Variants in IPO9 observed in about 807,000 individuals in gnomAD.
IPO9 encodes importin 9, also known as importin-9.
Under a neutral mutation model 128.6 loss-of-function variants are expected in IPO9, and 28 were observed. That is an observed-to-expected ratio of 0.22 (90% confidence interval 0.16 to 0.30). The LOEUF is 0.30. Ranked by LOEUF, IPO9 falls within the 10% of genes least tolerant of loss-of-function variation. IPO9 has a pLI of 1.00. For missense variants in IPO9, 935 were observed against 1,293.9 expected, an observed-to-expected ratio of 0.72 and a Z score of 4.26; for synonymous variants, 455 against 475.8, an observed-to-expected ratio of 0.96 and a Z score of 0.57.
At position 201,880,792 on chromosome 1, in the gene IPO9, A is replaced by G. The variant is rs1680869498; in HGVS notation, c.*4738A>G. On this transcript the variant is annotated 3_prime_UTR_variant, in exon 24 of 24. Coordinates refer to ENST00000361565, the MANE Select transcript of IPO9 (RefSeq NM_018085.5). ...TTTTTCAACTTTAGGATTGTGCAAAAGCTATACACATTCGGTAGAAACAGT... is the reference window on the plus strand; with the variant it reads ...TTTTTCAACTTTAGGATTGTGCAAAGGCTATACACATTCGGTAGAAACAGT... 6.6e-6 allele frequency: 1 copy of G among 152,236 alleles called. No individual in the cohort carries two copies. Among genetic ancestry groups the G allele is most frequent in the Non-Finnish European group, 1.5e-5 (1 of 68,050 alleles). The allele number at this position is 152,236 out of a possible 1,614,324, so 9.4% of individuals were successfully genotyped here.
intron 15 of IPO9, among the ~76,000 whole-genome samples, chr1:201,868,251 A>G (rs772841793): frequency 5.1e-4 from 77 of 151,064 alleles, no homozygotes; most frequent in Middle Eastern, 3.6e-3. Flanking sequence ...CATGCATCAA[A>G]GCCAGTGTTT....
intron 14 of IPO9, among the ~76,000 whole-genome samples, chr1:201,866,325 G>A (rs541226487): frequency 6.6e-6 from 1 of 152,170 alleles, no homozygotes; most frequent in African/African-American, 2.4e-5. Context: ...GTATCATATT[G>A]GACATGATAA....
rs756358655 is a variant in IPO9 at position 201,857,155 on chromosome 1, C to T, written c.1182C>T (p.Phe394=). 1.2e-6 allele frequency: 2 copies of T among 1,613,068 alleles called. No homozygotes were observed. Among genetic ancestry groups the T allele is most frequent in the Middle Eastern group, 1.7e-4 (1 of 6,060 alleles). Residue 394 remains phenylalanine, a synonymous_variant, in exon 11 of 24, where the codon TTC becomes TTT. Transcript: ENST00000361565. Reference sequence around the variant, plus strand: ...TAGAAGATGAAGATGATGATACATTCTCCTATACTGTTAGAATAGCAGCTC... The same window carrying T: ...TAGAAGATGAAGATGATGATACATTTTCCTATACTGTTAGAATAGCAGCTC... ...QFVEDEDDDT[F]SYTVRIAAQD...
intron 19 of IPO9, among the ~76,000 whole-genome samples, chr1:201,872,181 C>T (rs1680665504): frequency 6.6e-6 from 1 of 152,146 alleles, no homozygotes; most frequent in Non-Finnish European, 1.5e-5. Flanking sequence ...CACGCCATTG[C>T]ACTTCAGCCT....
intron 9 of IPO9, 141 bp from the exon 10 acceptor site, chr1:201,855,642 T>C (rs1209024695): frequency 2.7e-6 from 2 of 732,214 alleles, no homozygotes; most frequent in African/African-American, 3.7e-5. Context: ...CTGAGCCCTC[T>C]CTCCCAATTC....
chr1:201,858,504 C>T lies in IPO9; in HGVS notation c.1279C>T (p.Arg427Ter), dbSNP rs375327943. ...SAAALAAAAT[R>*]HLQEAEQTKN... ...AGCAGCCCTGGCTGCTGCAGCCACT[C>T]GACATTTACAAGAAGCTGAGCAAAC... The change falls in exon 12 of 24, where the codon CGA becomes TGA. Residue 427 changes from arginine (R) to a stop codon, truncating the protein, a stop_gained. Coordinates refer to ENST00000361565, the MANE Select transcript of IPO9 (RefSeq NM_018085.5). LOFTEE classifies it high-confidence loss of function. The T allele has an allele frequency of 1.9e-6, 3 of 1,595,680 alleles. No homozygotes were observed. The highest frequency in any genetic ancestry group is 2.6e-6 in the Non-Finnish European group (3 of 1,171,406).
chr1:201,843,636 TG>T (rs1387694899), intron 1 of IPO9, among the ~76,000 whole-genome samples: 1 of 152,210 alleles, frequency 6.6e-6, no homozygotes, highest in Admixed American at 6.5e-5. Context: ...AAGACCAGCC[TG>T]GCCAACATGG....
At chr1:201,865,838 T>G (rs1404968837) in intron 14 of IPO9, among the ~76,000 whole-genome samples, 2 of 152,006 alleles carry the variant, frequency 1.3e-5, no homozygotes, top group Non-Finnish European at 2.9e-5. Flanking sequence ...ACACCTGTGA[T>G]CCCAGCACTT....
At chr1:201,862,070 A>G (rs1440921113) in intron 13 of IPO9, among the ~76,000 whole-genome samples, 2 of 152,222 alleles carry the variant, frequency 1.3e-5, no homozygotes, top group East Asian at 3.8e-4. Flanking sequence ...GAATAACGTG[A>G]TGACTAAGGT....
At chr1:201,865,095 T>C (rs1280620438) in intron 14 of IPO9, among the ~76,000 whole-genome samples, 1 of 152,246 alleles carries the variant, frequency 6.6e-6, no homozygotes, top group Non-Finnish European at 1.5e-5. Context: ...GATCATTAGC[T>C]ATCTTTCTTT....
At chr1:201,835,035 C>G (rs1376857800) in intron 1 of IPO9, 2 of 152,284 alleles carry the variant, frequency 1.3e-5, no homozygotes, top group Non-Finnish European at 2.9e-5. Context: ...GGCACTGAGC[C>G]GAGCGGAAGG....
Position 201,866,847 on chromosome 1 carries a change from C to T in IPO9, c.1743C>T (p.Asn581=). The change falls in exon 15 of 24, where the codon AAC becomes AAT. Residue 581 remains asparagine (N), a synonymous_variant. Transcript: ENST00000361565. ...LAAQFSSEVL[N]LVMETLCIVC... ...CCCAGTTCAGCTCAGAGGTCCTCAA[C>T]CTGGTGATGGAGACCCTGTGCATCG... The T allele has an allele frequency of 6.2e-7, 1 of 1,614,124 alleles. No homozygotes were observed. Among genetic ancestry groups the T allele is most frequent in the Non-Finnish European group, 8.5e-7 (1 of 1,180,018 alleles).
chr1:201,867,975 T>C (rs1184154954), intron 15 of IPO9, among the ~76,000 whole-genome samples: 3 of 152,218 alleles, frequency 2.0e-5, no homozygotes, highest in Non-Finnish European at 4.4e-5. Flanking sequence ...ATTCTGTTAA[T>C]GGACATCTAG....
chr1:201,871,169 C>A lies in IPO9; in HGVS notation c.2418C>A (p.Ile806=), dbSNP rs374047747. The A allele has an allele frequency of 3.1e-6, 5 of 1,612,906 alleles. No individual in the cohort carries two copies. In the African/African-American group the frequency reaches 5.3e-5, roughly 17 times the overall value. ...AETLSVMQSL[I]MVFAHLVHTQ... is the part of the protein sequence containing the mutation. ...TCCTTATTTTCTCCTAGTCCCTGAT[C>A]ATGGTGTTCGCTCATCTGGTGCACA... Residue 806 remains isoleucine, a synonymous_variant, in exon 19 of 24, where the codon ATC becomes ATA. Coordinates refer to ENST00000361565, the MANE Select transcript of IPO9 (RefSeq NM_018085.5).
chr1:201,836,393 GT>G (rs567631905), intron 1 of IPO9, among the ~76,000 whole-genome samples: 1 of 151,994 alleles, frequency 6.6e-6, no homozygotes, highest in Non-Finnish European at 1.5e-5. Flanking sequence ...TTCTTAGTTT[GT>G]TTTTTAATTG....
chr1:201,872,654 C>T (rs1397694916), intron 19 of IPO9, among the ~76,000 whole-genome samples, 174 bp from the exon 20 acceptor site: 1 of 152,142 alleles, frequency 6.6e-6, no homozygotes, highest in Non-Finnish European at 1.5e-5. Context: ...TCTCATTAAA[C>T]CACCTCATGA....
In IPO9 at chr1:201,863,664, C is replaced by G. The variant is rs1324839753; in HGVS notation, c.1628+57C>G. The G allele has an allele frequency of 6.3e-6, 9 of 1,439,442 alleles. No individual in the cohort carries two copies. The East Asian group carries it at 1.9e-4, about 30-fold the overall frequency. The allele number at this position is 1,439,442 out of a possible 1,614,324, so 89.2% of individuals were successfully genotyped here. A position where few individuals can be genotyped will look rare whatever the true frequency, so the allele number is the denominator to read the frequency against. On this transcript the variant is annotated intron_variant, in intron 14 of 23. Transcript: ENST00000361565. The stretch of plus-strand genomic sequence containing the variant: ...GGAAAGTTGCTCAGGTTAGATATAA[C>G]AAATCACAGTTTTCCAGTGTATTAT...
intron 14 of IPO9, among the ~76,000 whole-genome samples, chr1:201,865,505 G>T (rs1206220318): frequency 2.0e-5 from 3 of 152,128 alleles, no homozygotes; most frequent in Non-Finnish European, 4.4e-5. Context: ...ACCGCGCCCG[G>T]CCTGCAGCTG....
chr1:201,870,277 T>C lies in IPO9; in HGVS notation c.2134-306T>C, dbSNP rs1470282925. Among the ~76,000 whole-genome samples the C allele has an allele frequency of 1.3e-5, 2 of 152,222 alleles. No individual in the cohort carries two copies. The highest frequency in any genetic ancestry group is 4.8e-5 in the African/African-American group (2 of 41,460). ...TATTCCAAGATTGTAAGCATATTTT[T>C]TTAGTACCAGAGGTAGACCTTTATG... On this transcript the variant is annotated intron_variant, in intron 17 of 23. Coordinates refer to ENST00000361565, the MANE Select transcript of IPO9 (RefSeq NM_018085.5). The surrounding 1 kb of genome is among the most constrained non-coding windows in gnomAD (Gnocchi z 4.9).
Sources: gnomAD v4.1 joint callset for allele counts (sites outside exome capture counted in the v4.1 genomes callset) on GRCh38, gnomAD v4.1.1 for gene constraint, Gnocchi (gnomAD v3.1) non-coding constraint, MANE v1.5 for transcripts, NCBI Gene and HGNC (gene_info 2026-07-23, HGNC 2026-07-21) for gene names.